UTRN: variants seen among roughly 807,000 people sequenced by gnomAD.
UTRN encodes the protein utrophin.
UTRN carries 283 observed loss-of-function variants against 463.9 expected under a neutral mutation model. The ratio of observed to expected loss-of-function variants is 0.61; its 90% CI spans 0.55 to 0.67. The LOEUF is 0.67. UTRN is among the 30% of genes least tolerant of loss of function. The probability of loss-of-function intolerance (pLI) is 0.00; values close to 1 mark genes in which losing one functional copy is unlikely to be tolerated. For missense variants in UTRN, 3,922 were observed against 4,084.3 expected, an observed-to-expected ratio of 0.96 and a Z score of 1.08; for synonymous variants, 1,442 against 1,431.5, an observed-to-expected ratio of 1.01 and a Z score of -0.17.
intron 18 of UTRN, among the ~76,000 whole-genome samples, chr6:144,452,241 C>A (rs1788396890): frequency 1.3e-5 from 2 of 152,110 alleles, no homozygotes; most frequent in African/African-American, 4.8e-5. Flanking sequence ...ATTCCTTGAT[C>A]TTTGACTATA....
chr6:144,646,465 AC>A (rs1356066334), intron 51 of UTRN, among the ~76,000 whole-genome samples: 1 of 152,212 alleles, frequency 6.6e-6, no homozygotes, highest in Non-Finnish European at 1.5e-5. Context: ...TAACAGAACA[AC>A]ATGACTGTCA....
chr6:144,775,520 C>T (rs1160615543), intron 60 of UTRN, among the ~76,000 whole-genome samples: 1 of 152,152 alleles, frequency 6.6e-6, no homozygotes, highest in Non-Finnish European at 1.5e-5. Flanking sequence ...AAGAAAGCCA[C>T]CACGCTCTGG....
At chr6:144,618,888 T>C (rs538447840) in intron 51 of UTRN, among the ~76,000 whole-genome samples, 19 of 152,254 alleles carry the variant, frequency 1.2e-4, no homozygotes, top group African/African-American at 4.1e-4. Context: ...TTTAAAATGA[T>C]ATATTTAGGT....
intron 3 of UTRN, among the ~76,000 whole-genome samples, chr6:144,411,590 C>A (rs1009430854): frequency 1.3e-5 from 2 of 152,126 alleles, no homozygotes; most frequent in South Asian, 4.1e-4. Flanking sequence ...TGTTACATGT[C>A]TGTATGACTT....
At chr6:144,336,328 C>T (rs933771190) in intron 2 of UTRN, among the ~76,000 whole-genome samples, 3 of 152,090 alleles carry the variant, frequency 2.0e-5, no homozygotes, top group Non-Finnish European at 4.4e-5. Context: ...GGCTTGGGGA[C>T]GTCAGCACAC....
At chr6:144,376,680 G>A (rs779892404) in intron 2 of UTRN, among the ~76,000 whole-genome samples, 2 of 152,012 alleles carry the variant, frequency 1.3e-5, no homozygotes, top group African/African-American at 2.4e-5. Context: ...AACATTTATA[G>A]CATTATGTTC....
At chr6:144,302,960 G>A (rs951877900) in intron 2 of UTRN, among the ~76,000 whole-genome samples, 7 of 152,188 alleles carry the variant, frequency 4.6e-5, no homozygotes, top group African/African-American at 1.4e-4. Context: ...GATTTCGAAA[G>A]CCCTTTTGAA....
At chr6:144,764,250 T>C (rs1793023691) in intron 58 of UTRN, among the ~76,000 whole-genome samples, 1 of 152,090 alleles carries the variant, frequency 6.6e-6, no homozygotes, top group Non-Finnish European at 1.5e-5. Context: ...TAACTAAAAA[T>C]CTAAACAGTA....
At chr6:144,780,682 C>A (rs1252953426) in intron 60 of UTRN, among the ~76,000 whole-genome samples, 2 of 152,178 alleles carry the variant, frequency 1.3e-5, no homozygotes, top group African/African-American at 2.4e-5. Context: ...CATCTAAACT[C>A]CTCCTTCGGG....
At chr6:144,468,395 T>G (rs1226291560) in intron 23 of UTRN, among the ~76,000 whole-genome samples, 2 of 152,188 alleles carry the variant, frequency 1.3e-5, no homozygotes, top group Non-Finnish European at 2.9e-5. Context: ...GATATTTTGA[T>G]TTTCAAAAAA....
intron 28 of UTRN, among the ~76,000 whole-genome samples, chr6:144,486,252 G>A (rs892407475): frequency 6.6e-6 from 1 of 152,108 alleles, no homozygotes; most frequent in Non-Finnish European, 1.5e-5. Flanking sequence ...TCCAGGAGAC[G>A]GATGCTCTGC....
At position 144,661,985 on chromosome 6, in the gene UTRN, G is replaced by A. The variant is rs9376835; in HGVS notation, c.7480-16421G>A. ...TTTTTCCTGTCAAAGGCTTGATTTG[G>A]GATTTTTATTATTATTATTATCTAT... On this transcript the variant is annotated intron_variant, in intron 51 of 74. Coordinates refer to ENST00000367545, the MANE Select transcript of UTRN (RefSeq NM_007124.3). Among the ~76,000 whole-genome samples the A allele has an allele frequency of 0.051, 7,678 of 151,462 alleles. 817 individuals carry two copies. In the East Asian group the frequency reaches 0.51, roughly 10 times the overall value.
At chr6:144,802,277 G>A (rs1777765786) in intron 64 of UTRN, among the ~76,000 whole-genome samples, 1 of 152,128 alleles carries the variant, frequency 6.6e-6, no homozygotes, top group Non-Finnish European at 1.5e-5. Flanking sequence ...CCTTAAGATT[G>A]ATTTGCAAGT....
chr6:144,622,418 C>T (rs1030723332), intron 51 of UTRN, among the ~76,000 whole-genome samples: 8 of 151,834 alleles, frequency 5.3e-5, no homozygotes, highest in East Asian at 3.9e-4. Context: ...AACTCCTGAC[C>T]GCAAGTGATC....
At chr6:144,788,265 A>C (rs1275527125) in intron 61 of UTRN, among the ~76,000 whole-genome samples, 1 of 152,170 alleles carries the variant, frequency 6.6e-6, no homozygotes, top group African/African-American at 2.4e-5. Flanking sequence ...GACTATTAAA[A>C]TTGCAATAGT....
At chr6:144,533,310 T>C (rs1422272183) in intron 43 of UTRN, 50 bp downstream of exon 43, 6 of 1,582,832 alleles carry the variant, frequency 3.8e-6, no homozygotes, top group Non-Finnish European at 4.3e-6. Context: ...ATATTTTGGA[T>C]AGAATCTTTT....
chr6:144,777,786 A>G lies in UTRN; in HGVS notation c.8632+3422A>G, dbSNP rs146126806. 5.3e-5 allele frequency among the ~76,000 whole-genome samples: 8 copies of G among 152,306 alleles called. No homozygotes were observed. The East Asian group carries it at 1.5e-3, about 29-fold the overall frequency. On this transcript the variant is annotated intron_variant, in intron 60 of 74. Transcript: ENST00000367545. ...TATAAAAGGCACCTGGGATTTAGGCATGGGGCAGTTAATTGGGGATAAGAA... is the reference window on the plus strand; with the variant it reads ...TATAAAAGGCACCTGGGATTTAGGCGTGGGGCAGTTAATTGGGGATAAGAA...
intron 29 of UTRN, among the ~76,000 whole-genome samples, chr6:144,487,951 T>C (rs1792638238): frequency 6.6e-6 from 1 of 152,218 alleles, no homozygotes. Flanking sequence ...TAATTTTCAT[T>C]AAGGATCATA....
intron 52 of UTRN, among the ~76,000 whole-genome samples, chr6:144,695,139 T>C (rs1205406372): frequency 6.6e-6 from 1 of 152,144 alleles, no homozygotes; most frequent in African/African-American, 2.4e-5. Context: ...TTGCTCTAAT[T>C]TATCATAATT....
Sources: gnomAD v4.1 joint callset for allele counts (sites outside exome capture counted in the v4.1 genomes callset) on GRCh38, gnomAD v4.1.1 for gene constraint, MANE v1.5 for transcripts, NCBI Gene and HGNC (gene_info 2026-07-23, HGNC 2026-07-21) for gene names.